Variants in DSCAM observed in about 807,000 individuals in gnomAD.
DSCAM encodes the protein cell adhesion molecule DSCAM.
Under a neutral mutation model 217.7 loss-of-function variants are expected in DSCAM, and 47 were observed. That is an observed-to-expected ratio of 0.22 (90% CI 0.17 to 0.28). DSCAM has a LOEUF of 0.28. DSCAM is among the 10% of genes least tolerant of loss of function. The probability of loss-of-function intolerance (pLI) is 1.00; values close to 1 mark genes in which losing one functional copy is unlikely to be tolerated. For synonymous variants in DSCAM, 1,056 were observed against 1,015.3 expected, an observed-to-expected ratio of 1.04 and a Z score of -0.76; for missense variants, 2,080 against 2,618.3, an observed-to-expected ratio of 0.79 and a Z score of 4.49.
At chr21:40,599,296 C>G (rs2077045062) in intron 3 of DSCAM, among the ~76,000 whole-genome samples, 1 of 152,096 alleles carries the variant, frequency 6.6e-6, no homozygotes, top group African/African-American at 2.4e-5. Context: ...TGGTGGTTTG[C>G]TGTACCTATC....
intron 9 of DSCAM, among the ~76,000 whole-genome samples, chr21:40,302,206 C>T (rs976871630): frequency 1.1e-4 from 17 of 152,112 alleles, no homozygotes; most frequent in Non-Finnish European, 1.2e-4. Context: ...GTAGTGTCCC[C>T]ACCCAAATCT....
chr21:40,213,316 G>A (rs1020415232), intron 11 of DSCAM, among the ~76,000 whole-genome samples: 33 of 152,212 alleles, frequency 2.2e-4, no homozygotes, highest in African/African-American at 7.7e-4. Context: ...TGCACTGTGA[G>A]TGAGCCATGG....
At chr21:40,515,927 C>A (rs2076295718) in intron 3 of DSCAM, among the ~76,000 whole-genome samples, 1 of 151,998 alleles carries the variant, frequency 6.6e-6, no homozygotes, top group South Asian at 2.1e-4. Flanking sequence ...AAGGACTCTA[C>A]AAAACTTTCT....
intron 14 of DSCAM, among the ~76,000 whole-genome samples, chr21:40,184,639 T>C (rs1291937114): frequency 6.6e-6 from 1 of 152,232 alleles, no homozygotes; most frequent in Non-Finnish European, 1.5e-5. Context: ...AATTTATACA[T>C]TTAAAGATGC....
chr21:40,829,038 G>T (rs987609875), intron 1 of DSCAM, among the ~76,000 whole-genome samples: 1 of 152,190 alleles, frequency 6.6e-6, no homozygotes, highest in African/African-American at 2.4e-5. Flanking sequence ...ACTCCCCTGG[G>T]CTGTGGGAAT....
chr21:40,491,327 A>C (rs1367744836), intron 3 of DSCAM, among the ~76,000 whole-genome samples: 2 of 152,040 alleles, frequency 1.3e-5, no homozygotes, highest in East Asian at 3.9e-4. Flanking sequence ...CTACCTGCAA[A>C]ATATGACCAG....
At position 40,430,951 on chromosome 21, in the gene DSCAM, G is replaced by C. The variant is rs751228657; in HGVS notation, c.509-61706C>G. ...TGGAGGCAGCAGTGAGAGAGAAGCC[G>C]CTACTGAGACAGCTGGAGAGGGAGA... On this transcript the variant is annotated intron_variant, in intron 3 of 32. Coordinates refer to ENST00000400454, the MANE Select transcript of DSCAM (RefSeq NM_001389.5). Among the ~76,000 whole-genome samples, 5 of 152,336 alleles carry C rather than the reference G, an allele frequency of 3.3e-5. No individual in the cohort carries two copies. In the South Asian group the frequency reaches 1.0e-3, roughly 32 times the overall value.
At chr21:40,662,456 C>A (rs926553777) in intron 3 of DSCAM, among the ~76,000 whole-genome samples, 2 of 152,128 alleles carry the variant, frequency 1.3e-5, no homozygotes, top group Non-Finnish European at 2.9e-5. Context: ...GACGCAAAGT[C>A]CAAATCTTAA....
In DSCAM at chr21:40,712,387, C is replaced by T. The variant is rs1280699467; in HGVS notation, c.44-3616G>A. 9.1e-5 allele frequency among the ~76,000 whole-genome samples: 13 copies of T among 143,066 alleles called. No homozygotes were observed. In the South Asian group the frequency reaches 1.8e-3, roughly 20 times the overall value. 93.9% of individuals were successfully genotyped at this position (143,066 alleles called of 152,430 possible). A position where few individuals can be genotyped will look rare whatever the true frequency, so the allele number is the denominator to read the frequency against. On this transcript the variant is annotated intron_variant, in intron 1 of 32. Transcript: ENST00000400454. Reference sequence around the variant, plus strand: ...CTGAGGCAGGAGAATGGCGTGAACCCGGGAAGCGGAGCTTGCAGTGAGCCG... The same window carrying T: ...CTGAGGCAGGAGAATGGCGTGAACCTGGGAAGCGGAGCTTGCAGTGAGCCG...
At chr21:40,546,950 G>A (rs1042534912) in intron 3 of DSCAM, among the ~76,000 whole-genome samples, 17 of 152,068 alleles carry the variant, frequency 1.1e-4, no homozygotes, top group African/African-American at 4.1e-4. Context: ...TCTAAAGGCT[G>A]ATACCCCCCA....
At chr21:40,676,408 G>T (rs1450836414) in intron 3 of DSCAM, among the ~76,000 whole-genome samples, 1 of 152,192 alleles carries the variant, frequency 6.6e-6, no homozygotes, top group Non-Finnish European at 1.5e-5. Context: ...TCATGGAAAA[G>T]GTTTACTGGA....
intron 3 of DSCAM, among the ~76,000 whole-genome samples, chr21:40,470,447 G>A (rs1360008982): frequency 1.3e-5 from 2 of 152,212 alleles, no homozygotes; most frequent in African/African-American, 4.8e-5. Flanking sequence ...CTGCGAGGCT[G>A]TCCAAGAGTC....
chr21:40,732,800 C>T (rs1488765084), intron 1 of DSCAM, among the ~76,000 whole-genome samples: 1 of 152,162 alleles, frequency 6.6e-6, no homozygotes, highest in Non-Finnish European at 1.5e-5. Context: ...TGACTATTAT[C>T]ACCATTTAAT....
At chr21:40,348,925 A>C (rs999099190) in intron 5 of DSCAM, among the ~76,000 whole-genome samples, 5 of 151,786 alleles carry the variant, frequency 3.3e-5, no homozygotes, top group African/African-American at 9.7e-5. Flanking sequence ...GAGGATCACG[A>C]GGTCAGGAGA....
chr21:40,682,309 G>A (rs1167430617), intron 3 of DSCAM, among the ~76,000 whole-genome samples: 1 of 151,934 alleles, frequency 6.6e-6, no homozygotes, highest in Non-Finnish European at 1.5e-5. Context: ...TACAGAAAGT[G>A]GATGGGATTG....
intron 28 of DSCAM, among the ~76,000 whole-genome samples, chr21:40,059,946 T>A (rs2089089504): frequency 6.6e-6 from 1 of 152,214 alleles, no homozygotes; most frequent in Non-Finnish European, 1.5e-5. Context: ...ATATGGTTGA[T>A]TCTAAATTGA....
Position 40,147,916 on chromosome 21 carries a change from T to A in DSCAM, c.3019-3185A>T, listed in dbSNP as rs569477015. 2.0e-5 allele frequency among the ~76,000 whole-genome samples: 3 copies of A among 152,308 alleles called. No homozygotes were observed. In the South Asian group the frequency reaches 6.2e-4, roughly 32 times the overall value. ...AATGCTATGTTAGACACCTTCACAATATAGTTTCTCTGTTTCTAAGTTTAT... is the reference window on the plus strand; with the variant it reads ...AATGCTATGTTAGACACCTTCACAAAATAGTTTCTCTGTTTCTAAGTTTAT... On this transcript the variant is annotated intron_variant, in intron 16 of 32. Transcript: ENST00000400454.
chr21:40,444,275 G>A (rs1246196546), intron 3 of DSCAM, among the ~76,000 whole-genome samples: 4 of 152,148 alleles, frequency 2.6e-5, no homozygotes, highest in Non-Finnish European at 4.4e-5. Flanking sequence ...TTTGGAGTCC[G>A]ACATGTAACT....
At chr21:40,743,059 A>G (rs1325813020) in intron 1 of DSCAM, among the ~76,000 whole-genome samples, 1 of 152,214 alleles carries the variant, frequency 6.6e-6, no homozygotes, top group Non-Finnish European at 1.5e-5. Context: ...ACTGAAGAAG[A>G]CTTCTGCATT....
Sources: allele counts gnomAD v4.1 joint callset (sites outside exome capture counted in the v4.1 genomes callset), GRCh38; gene constraint gnomAD v4.1.1; transcripts MANE v1.5; gene names NCBI Gene and HGNC (gene_info 2026-07-23, HGNC 2026-07-21).